B3GALT1: variants seen among roughly 807,000 people sequenced by gnomAD.
The protein encoded by B3GALT1 is beta-1,3-galactosyltransferase 1, also known as UDP-Gal:betaGlcNAc beta 1,3-galactosyltransferase, polypeptide 1.
A neutral mutation model predicts 23.2 loss-of-function variants in B3GALT1; 10 were observed. The observed-to-expected ratio is 0.43, with a 90% CI of 0.27 to 0.73. The LOEUF (loss-of-function observed/expected upper bound fraction) is 0.73, where lower values mean the gene tolerates loss of function less well. B3GALT1 is among the 30% of genes least tolerant of loss of function. The pLI is 0.21. For synonymous variants in B3GALT1, 156 were observed against 141.5 expected, an observed-to-expected ratio of 1.10 and a Z score of -0.73; for missense variants, 299 against 405.4, an observed-to-expected ratio of 0.74 and a Z score of 2.25.
At chr2:167,321,255 G>A (rs779039652) in intron 1 of B3GALT1, among the ~76,000 whole-genome samples, 21 of 151,978 alleles carry the variant, frequency 1.4e-4, no homozygotes, top group Non-Finnish European at 3.1e-4. Context: ...AAAAAATGTA[G>A]TACTTATAAC....
At chr2:167,431,514 T>A (rs1281778951) in intron 1 of B3GALT1, among the ~76,000 whole-genome samples, 3 of 152,228 alleles carry the variant, frequency 2.0e-5, no homozygotes, top group South Asian at 4.1e-4. Context: ...TGGAAAAATA[T>A]CTCCCCCAAA....
At chr2:167,757,466 A>C (rs576465848) in intron 3 of B3GALT1, among the ~76,000 whole-genome samples, 1 of 152,196 alleles carries the variant, frequency 6.6e-6, no homozygotes, top group African/African-American at 2.4e-5. Flanking sequence ...TAGAAGTCCA[A>C]CCCCCACCAT....
chr2:167,631,604 T>C (rs553920425), intron 2 of B3GALT1: 1 of 151,648 alleles, frequency 6.6e-6, no homozygotes, highest in Non-Finnish European at 1.5e-5. Context: ...AAGTACAGAT[T>C]GTTTAAATAG....
At chr2:167,436,043 G>A (rs555825148) in intron 1 of B3GALT1, among the ~76,000 whole-genome samples, 1 of 151,408 alleles carries the variant, frequency 6.6e-6, no homozygotes, top group East Asian at 1.9e-4. Context: ...TACTGCAGTC[G>A]ACCTGAACTA....
intron 3 of B3GALT1, among the ~76,000 whole-genome samples, chr2:167,692,544 C>T (rs1686731073): frequency 6.6e-6 from 1 of 152,100 alleles, no homozygotes; most frequent in Admixed American, 6.6e-5. Context: ...ACAATTCCCC[C>T]TTATTTCCAC....
intron 1 of B3GALT1, among the ~76,000 whole-genome samples, chr2:167,362,105 CT>C: frequency 6.6e-6 from 1 of 151,970 alleles, no homozygotes; most frequent in Middle Eastern, 3.4e-3. Flanking sequence ...GTCTTGGATT[CT>C]AAGAAAATTA....
chr2:167,333,982 T>C (rs1171481092), intron 1 of B3GALT1, among the ~76,000 whole-genome samples: 1 of 152,146 alleles, frequency 6.6e-6, no homozygotes, highest in African/African-American at 2.4e-5. Flanking sequence ...TGTGTCATTA[T>C]TTTTTTACTT....
At chr2:167,543,698 C>T (rs1234463212) in intron 2 of B3GALT1, among the ~76,000 whole-genome samples, 2 of 152,102 alleles carry the variant, frequency 1.3e-5, no homozygotes, top group African/African-American at 4.8e-5. Context: ...AAAAGTAGCA[C>T]TGAAAAAAGT....
intron 1 of B3GALT1, among the ~76,000 whole-genome samples, chr2:167,339,342 A>G (rs111262044): frequency 1.3e-5 from 2 of 152,266 alleles, no homozygotes; most frequent in African/African-American, 2.4e-5. Flanking sequence ...TAGTTTAAAC[A>G]TAATACAACA....
intron 2 of B3GALT1, among the ~76,000 whole-genome samples, chr2:167,618,953 T>C (rs532387104): frequency 4.0e-4 from 61 of 152,092 alleles, no homozygotes; most frequent in Middle Eastern, 3.4e-3. Context: ...CCTTTTTTTT[T>C]TCTTTCTAGT....
At chr2:167,576,664 A>G (rs557967553) in intron 2 of B3GALT1, among the ~76,000 whole-genome samples, 7 of 151,590 alleles carry the variant, frequency 4.6e-5, no homozygotes, top group Admixed American at 6.6e-5. Flanking sequence ...ATATGTGACT[A>G]AATAAATTAT....
intron 2 of B3GALT1, among the ~76,000 whole-genome samples, chr2:167,594,422 C>G (rs896338766): frequency 1.3e-5 from 2 of 152,214 alleles, no homozygotes; most frequent in Non-Finnish European, 2.9e-5. Context: ...ACTGTATCAC[C>G]ATAGAGGATT....
In B3GALT1 at chr2:167,591,332, A is replaced by T. The variant is rs1684675234; in HGVS notation, c.-409-55577A>T. 1.3e-5 allele frequency among the ~76,000 whole-genome samples: 2 copies of T among 152,238 alleles called. 1 individual carries two copies. Among genetic ancestry groups the T allele is most frequent in the Admixed American group, 1.3e-4 (2 of 15,290 alleles). On this transcript the variant is annotated intron_variant, in intron 2 of 4. Coordinates refer to ENST00000392690, the MANE Select transcript of B3GALT1 (RefSeq NM_020981.4). ...CAATTAAAGTGAGGCAGAGAAGAACAGTAGGCGACGAGGTTACACGGATAG... is the reference window on the plus strand; with the variant it reads ...CAATTAAAGTGAGGCAGAGAAGAACTGTAGGCGACGAGGTTACACGGATAG...
Position 167,588,685 on chromosome 2 carries a change from T to C in B3GALT1, c.-409-58224T>C, listed in dbSNP as rs148238747. On this transcript the variant is annotated intron_variant, in intron 2 of 4. Transcript: ENST00000392690. The stretch of plus-strand genomic sequence containing the variant: ...TCTTTTGGGAAGAATTATTTCTTTA[T>C]ACTATTTGCTTATATGTTTTTTCTA... 7.1e-3 allele frequency among the ~76,000 whole-genome samples: 1,082 copies of C among 152,198 alleles called. 17 individuals are homozygous for C. The highest frequency in any genetic ancestry group is 0.025 in the African/African-American group (1,020 of 41,558).
chr2:167,728,828 G>A (rs1400878462), intron 3 of B3GALT1, among the ~76,000 whole-genome samples: 2 of 151,910 alleles, frequency 1.3e-5, no homozygotes, highest in Admixed American at 6.6e-5. Flanking sequence ...ATTGGGGCTT[G>A]CAGTATATAC....
At chr2:167,327,250 C>G (rs1397155651) in intron 1 of B3GALT1, among the ~76,000 whole-genome samples, 4 of 151,988 alleles carry the variant, frequency 2.6e-5, no homozygotes, top group African/African-American at 9.7e-5. Flanking sequence ...GGGTTTCATA[C>G]AAATTTTATT....
At chr2:167,673,414 A>G (rs557047153) in intron 3 of B3GALT1, among the ~76,000 whole-genome samples, 1 of 152,246 alleles carries the variant, frequency 6.6e-6, no homozygotes, top group African/African-American at 2.4e-5. Context: ...GTCTTGAAAT[A>G]ACAGAAAATA....
intron 1 of B3GALT1, among the ~76,000 whole-genome samples, chr2:167,402,967 C>A (rs1051605876): frequency 1.3e-5 from 2 of 151,688 alleles, no homozygotes; most frequent in Non-Finnish European, 2.9e-5. Flanking sequence ...CACTCCCCCA[C>A]CCCCGATTGC....
intron 1 of B3GALT1, among the ~76,000 whole-genome samples, chr2:167,484,315 T>C (rs1485902201): frequency 6.6e-6 from 1 of 152,162 alleles, no homozygotes; most frequent in East Asian, 1.9e-4. Context: ...AGTCAAACTC[T>C]ATAAAGTATT....
Sources: gnomAD v4.1 joint callset for allele counts (sites outside exome capture counted in the v4.1 genomes callset) on GRCh38, gnomAD v4.1.1 for gene constraint, MANE v1.5 for transcripts, NCBI Gene and HGNC (gene_info 2026-07-23, HGNC 2026-07-21) for gene names.